ADGRA2: variants seen among roughly 807,000 people sequenced by gnomAD.
ADGRA2 encodes adhesion G protein-coupled receptor A2.
In ADGRA2, 61 loss-of-function variants were observed where a neutral mutation model predicts 98.7. The observed-to-expected ratio is 0.62, with a 90% CI of 0.50 to 0.76. ADGRA2 has a LOEUF of 0.76. ADGRA2 is among the 30% of genes least tolerant of loss of function. ADGRA2 has a pLI of 0.00. For missense variants in ADGRA2, 1,712 were observed against 1,860.0 expected, an observed-to-expected ratio of 0.92 and a Z score of 1.46; for synonymous variants, 858 against 831.5, an observed-to-expected ratio of 1.03 and a Z score of -0.55.
In ADGRA2 at chr8:37,839,543, T is replaced by G; in HGVS notation, c.2432T>G (p.Leu811Trp). The change falls in exon 16 of 19, where the codon TTG (leucine) becomes TGG (tryptophan). Residue 811 changes from leucine (L) to tryptophan (W), a missense_variant. Physicochemically the swap from Leu to Trp is moderately conservative, Grantham distance 61 (BLOSUM62 -2). Coordinates refer to ENST00000412232, the MANE Select transcript of ADGRA2 (RefSeq NM_032777.10). ...AAAGGCTGGCACATGCTGCTGAACT[T>G]GTGCTTCCACATAGCCATGACCTCT... Reference protein sequence around the residue: ...SRKGWHMLLNLCFHIAMTSAV... With the variant: ...SRKGWHMLLNWCFHIAMTSAV... 15 of 1,614,142 alleles carry G rather than the reference T, an allele frequency of 9.3e-6. No individual in the cohort carries two copies. Among genetic ancestry groups the G allele is most frequent in the Non-Finnish European group, 1.3e-5 (15 of 1,180,026 alleles).
chr8:37,807,086 AG>A, intron 1 of ADGRA2, among the ~76,000 whole-genome samples: 1 of 152,294 alleles, frequency 6.6e-6, no homozygotes, highest in East Asian at 1.9e-4. Flanking sequence ...GGCTGGGTTC[AG>A]GGGCAGTCTC....
chr8:37,797,377 TG>T lies in ADGRA2; in HGVS notation c.110del (p.Cys37SerfsTer18). 7.0e-7 allele frequency: 1 copy of T among 1,427,810 alleles called. No homozygotes were observed. The highest frequency in any genetic ancestry group is 1.4e-5 in the South Asian group (1 of 69,284). 88.4% of individuals were successfully genotyped at this position (1,427,810 alleles called of 1,614,324 possible). ...LAPEARGAPG[C>X]PLSIRSCKCS... ...GCCCGAGGCTCGGGGCGCGCCCGGC[TG>T]CCCGCTATCCATCCGCAGCTGCAAG... On this transcript the variant is annotated frameshift_variant, in exon 1 of 19. Coordinates refer to ENST00000412232, the MANE Select transcript of ADGRA2 (RefSeq NM_032777.10). LOFTEE classifies it high-confidence loss of function. This position sits in a 1 kb window ranked among gnomAD's most constrained non-coding sequence, Gnocchi z 5.3.
rs546264591 is a variant in ADGRA2, at chr8:37,842,186, G to A, written c.3848G>A (p.Gly1283Asp). 1 of 1,539,288 alleles carries A rather than the reference G, an allele frequency of 6.5e-7. No individual in the cohort carries two copies. Among genetic ancestry groups the A allele is most frequent in the Admixed American group, 2.0e-5 (1 of 50,116 alleles). Reference protein sequence around the residue: ...RSASRDSLKGGGALEKESHRR... With the variant: ...RSASRDSLKGDGALEKESHRR... ...GCCAGCCGCGACAGTCTCAAGGGCG[G>A]CGGCGCGCTGGAGAAGGAGAGCCAT... The change falls in exon 19 of 19, where the codon GGC becomes GAC. Residue 1283 changes from glycine to aspartate, a missense_variant. Gly to Asp is a moderately conservative substitution (Grantham distance 94, BLOSUM62 -1). Transcript: ENST00000412232.
rs1805385918 is a variant in ADGRA2, at chr8:37,829,321, G to C, written c.471G>C (p.Arg157Ser). 1.2e-6 allele frequency: 2 copies of C among 1,612,994 alleles called. No homozygotes were observed. The highest frequency in any genetic ancestry group is 2.7e-5 in the African/African-American group (2 of 74,740). ...LTSETFQGLPRLLRLNISGNI... is the reference protein window; with the variant it reads ...LTSETFQGLPSLLRLNISGNI... ...CCGAGACCTTCCAGGGCCTCCCCAG[G>C]CTTCTCCGACTGTAAGTGATGGGGT... is the stretch of plus-strand genomic sequence containing the variant. The change falls in exon 4 of 19, where the codon AGG becomes AGC. Residue 157 changes from arginine (R) to serine (S), a missense_variant. Coordinates refer to ENST00000412232, the MANE Select transcript of ADGRA2 (RefSeq NM_032777.10).
In ADGRA2 at chr8:37,844,553, A is replaced by G; in HGVS notation, c.*2198A>G. The G allele has an allele frequency of 6.2e-7, 1 of 1,613,950 alleles. No individual in the cohort carries two copies. Among genetic ancestry groups the G allele is most frequent in the East Asian group, 2.2e-5 (1 of 44,876 alleles). ...CAGCCTGGGCTCTCTGAAAGTCCCTAACTTCCTGAGGGGTACGCAAATACT... is the reference window on the plus strand; with the variant it reads ...CAGCCTGGGCTCTCTGAAAGTCCCTGACTTCCTGAGGGGTACGCAAATACT... On this transcript the variant is annotated 3_prime_UTR_variant, in exon 19 of 19. Transcript: ENST00000412232.
At position 37,842,486 on chromosome 8, in the gene ADGRA2, CG is replaced by C; in HGVS notation, c.*133del. On this transcript the variant is annotated 3_prime_UTR_variant, in exon 19 of 19. Coordinates refer to ENST00000412232, the MANE Select transcript of ADGRA2 (RefSeq NM_032777.10). ...CCGATGGCTGGAGGAAGCCCACAGG[CG>C]GATGTTCCCCACTTGCCTAGAGGGC... The C allele has an allele frequency of 7.4e-7, 1 of 1,346,418 alleles. No homozygotes were observed. Among genetic ancestry groups the C allele is most frequent in the Non-Finnish European group, 9.6e-7 (1 of 1,040,454 alleles). 83.4% of individuals were successfully genotyped at this position (1,346,418 alleles called of 1,614,324 possible).
chr8:37,844,424 C>T lies in ADGRA2; in HGVS notation c.*2069C>T. The T allele has an allele frequency of 6.4e-7, 1 of 1,569,496 alleles. No homozygotes were observed. The highest frequency in any genetic ancestry group is 1.2e-5 in the South Asian group (1 of 83,944). ...CCTACGGACTGGTGTACACTTCCATCCTTGGTTATAACAGGAATGTTATCA... is the reference window on the plus strand; with the variant it reads ...CCTACGGACTGGTGTACACTTCCATTCTTGGTTATAACAGGAATGTTATCA... On this transcript the variant is annotated 3_prime_UTR_variant, in exon 19 of 19. Coordinates refer to ENST00000412232, the MANE Select transcript of ADGRA2 (RefSeq NM_032777.10).
At chr8:37,837,996 A>T in intron 14 of ADGRA2, 57 bp downstream of exon 14, 7 of 1,308,608 alleles carry the variant, frequency 5.3e-6, no homozygotes, top group Non-Finnish European at 6.2e-6. Context: ...TGGGTGGAAA[A>T]TGGGGGTGGG....
rs35052362 is a variant in ADGRA2 at position 37,842,258 on chromosome 8, AG to A, written c.3926del (p.Gly1309AlafsTer8). ...LNAASLNGAP[K>X]GGKYDDVTLM... is the part of the protein sequence containing the mutation. ...GCCGCCAGCCTAAACGGCGCCCCCA[AG>A]GGGGGCAAGTACGACGACGTCACCC... On this transcript the variant is annotated frameshift_variant, in exon 19 of 19. Coordinates refer to ENST00000412232, the MANE Select transcript of ADGRA2 (RefSeq NM_032777.10). LOFTEE classifies it low-confidence loss of function (END_TRUNC). The A allele has an allele frequency of 6.4e-7, 1 of 1,563,934 alleles. No individual in the cohort carries two copies. Among genetic ancestry groups the A allele is most frequent in the Non-Finnish European group, 8.7e-7 (1 of 1,156,050 alleles).
chr8:37,814,761 G>A lies in ADGRA2; in HGVS notation c.267-135G>A, dbSNP rs1804930142. 4.1e-5 allele frequency: 28 copies of A among 679,714 alleles called. No individual in the cohort carries two copies. The South Asian group carries it at 4.6e-4, about 11-fold the overall frequency. The allele number at this position is 679,714 out of a possible 1,614,324, so 42.1% of individuals were successfully genotyped here. ...TCTCCCTGTAATCTCCGGAAGTAGAGGGTGGGGGCTGCTGCCTCGCACAAC... is the reference window on the plus strand; with the variant it reads ...TCTCCCTGTAATCTCCGGAAGTAGAAGGTGGGGGCTGCTGCCTCGCACAAC... On this transcript the variant is annotated intron_variant, in intron 1 of 18. Transcript: ENST00000412232. The surrounding 1 kb of genome is among the most constrained non-coding windows in gnomAD (Gnocchi z 4.3).
chr8:37,838,473 A>C (rs959760573), intron 14 of ADGRA2, among the ~76,000 whole-genome samples: 2 of 151,908 alleles, frequency 1.3e-5, no homozygotes, highest in African/African-American at 4.8e-5. Flanking sequence ...GGCTGATCTC[A>C]AACTCCTGAC....
At chr8:37,803,407 C>A (rs954253897) in intron 1 of ADGRA2, among the ~76,000 whole-genome samples, 1 of 152,046 alleles carries the variant, frequency 6.6e-6, no homozygotes, top group African/African-American at 2.4e-5. Flanking sequence ...AGAGCAGGGG[C>A]GGGGAGAGGA....
At chr8:37,821,696 C>T (rs1019600455) in intron 2 of ADGRA2, among the ~76,000 whole-genome samples, 30 of 152,154 alleles carry the variant, frequency 2.0e-4, no homozygotes, top group African/African-American at 6.5e-4. Context: ...CCCAGAGGCT[C>T]GTGCACGGCT....
At position 37,835,413 on chromosome 8, in the gene ADGRA2, A is replaced by C. The variant is rs761082429; in HGVS notation, c.1833+15A>C. 1.5e-6 allele frequency: 2 copies of C among 1,377,492 alleles called. No homozygotes were observed. Among genetic ancestry groups the C allele is most frequent in the African/African-American group, 1.5e-5 (1 of 64,924 alleles). 85.3% of individuals were successfully genotyped at this position (1,377,492 alleles called of 1,614,324 possible). ...TCCACATCAAGGTGGGCGCTGGGGG[A>C]GGGAGAGGGGGTGGGAGAAGGGAGG... On this transcript the variant is annotated intron_variant, in intron 12 of 18. Transcript: ENST00000412232.
chr8:37,809,694 ACTTTCAGGGCT>A, intron 1 of ADGRA2, among the ~76,000 whole-genome samples: 1 of 152,228 alleles, frequency 6.6e-6, no homozygotes, highest in East Asian at 1.9e-4. Flanking sequence ...TCATTTCAAG[ACTTTCAGGGCT>A]GGAGTTGGTG....
rs1265308630 is a variant in ADGRA2, at chr8:37,841,456, G to A, written c.3118G>A (p.Val1040Met). The change falls in exon 19 of 19, where the codon GTG (valine) becomes ATG (methionine). Residue 1040 changes from valine to methionine, a missense_variant. Transcript: ENST00000412232. The surrounding 1 kb of genome is among the most constrained non-coding windows in gnomAD (Gnocchi z 5.0). Reference protein sequence around the residue: ...LAMWACGALAVSQRWLPRVVC... With the variant: ...LAMWACGALAMSQRWLPRVVC... ...CATGTGGGCCTGCGGGGCTCTGGCA[G>A]TGTCCCAGCGCTGGCTGCCCCGGGT... 3.7e-6 allele frequency: 6 copies of A among 1,613,048 alleles called. No individual in the cohort carries two copies. The highest frequency in any genetic ancestry group is 5.1e-6 in the Non-Finnish European group (6 of 1,179,856).
intron 2 of ADGRA2, among the ~76,000 whole-genome samples, chr8:37,818,611 C>A (rs151001490): frequency 6.0e-4 from 91 of 152,362 alleles, no homozygotes; most frequent in Non-Finnish European, 9.4e-4. Context: ...GTCACCCCAT[C>A]CATTCATTCT....
intron 1 of ADGRA2, among the ~76,000 whole-genome samples, chr8:37,810,658 G>T (rs1162610801): frequency 2.0e-5 from 3 of 152,080 alleles, no homozygotes; most frequent in African/African-American, 7.2e-5. Flanking sequence ...ACCACGTCTG[G>T]CTACTTTTTA....
intron 1 of ADGRA2, among the ~76,000 whole-genome samples, chr8:37,811,238 C>T (rs1332070301): frequency 1.5e-5 from 2 of 130,332 alleles, no homozygotes; most frequent in East Asian, 2.7e-4. Context: ...AGCGCGTTCT[C>T]GGCTCACTGC....
Sources: gnomAD v4.1 joint callset for allele counts (sites outside exome capture counted in the v4.1 genomes callset) on GRCh38, gnomAD v4.1.1 for gene constraint, Gnocchi (gnomAD v3.1) non-coding constraint, MANE v1.5 for transcripts, NCBI Gene and HGNC (gene_info 2026-07-23, HGNC 2026-07-21) for gene names.